MTA3: variants seen among roughly 807,000 people sequenced by gnomAD.
The protein encoded by MTA3 is metastasis associated 1 family member 3, also known as metastasis-associated protein MTA3.
Under a neutral mutation model 83.5 loss-of-function variants are expected in MTA3, and 34 were observed. That is an observed-to-expected ratio of 0.41 (90% CI 0.31 to 0.54). The LOEUF (loss-of-function observed/expected upper bound fraction) is 0.54, where lower values mean the gene tolerates loss of function less well. Among genes scored for constraint, MTA3 ranks in the 20% least tolerant of loss-of-function variants. The pLI is 0.33. For synonymous variants in MTA3, 303 were observed against 252.7 expected (o/e 1.20, Z -1.89); for missense variants, 761 against 726.4 (o/e 1.05, Z -0.55).
chr2:42,685,147 A>G (rs993849788), intron 9 of MTA3, among the ~76,000 whole-genome samples: 6 of 152,218 alleles, frequency 3.9e-5, no homozygotes, highest in East Asian at 1.9e-4. Context: ...TTAGTGCAAT[A>G]TACTTGGACA....
intron 2 of MTA3, among the ~76,000 whole-genome samples, chr2:42,522,806 CTTTT>C (rs1173170546): frequency 3.4e-5 from 4 of 116,162 alleles, no homozygotes; most frequent in Non-Finnish European, 5.5e-5. Flanking sequence ...AACATGTGGT[CTTTT>C]TTTTTTTTTT....
At chr2:42,495,044 A>G (rs1482386760) in intron 1 of MTA3, 1 of 152,618 alleles carries the variant, frequency 6.6e-6, no homozygotes, top group Non-Finnish European at 1.5e-5. Context: ...TGCAAAACAA[A>G]TACTAGAAGA....
intron 14 of MTA3, among the ~76,000 whole-genome samples, chr2:42,716,556 C>T (rs779074834): frequency 3.2e-4 from 48 of 152,148 alleles, no homozygotes; most frequent in Non-Finnish European, 4.6e-4. Context: ...CATTTAGCTC[C>T]GACTCATAAG....
intron 8 of MTA3, among the ~76,000 whole-genome samples, chr2:42,674,596 CTTTT>C (rs34154066): frequency 7.9e-5 from 9 of 114,278 alleles, no homozygotes; most frequent in Non-Finnish European, 1.1e-4. Context: ...TTTTCTTCTT[CTTTT>C]TTTTTTTTTT....
chr2:42,617,681 C>G (rs1030214641), intron 4 of MTA3, among the ~76,000 whole-genome samples: 1 of 151,776 alleles, frequency 6.6e-6, no homozygotes, highest in Non-Finnish European at 1.5e-5. Flanking sequence ...GAGGCTGAGA[C>G]AGGAGAATCA....
chr2:42,702,090 A>C (rs1665628427), intron 11 of MTA3, among the ~76,000 whole-genome samples: 2 of 150,234 alleles, frequency 1.3e-5, no homozygotes, highest in African/African-American at 4.9e-5. Flanking sequence ...AGGCACCTGT[A>C]ATCCCAGCTC....
At chr2:42,549,688 T>A (rs1461378089) in intron 2 of MTA3, among the ~76,000 whole-genome samples, 3 of 125,514 alleles carry the variant, frequency 2.4e-5, no homozygotes, top group Non-Finnish European at 4.8e-5. Context: ...TATAATATAT[T>A]ATATATACAT....
chr2:42,676,677 G>C (rs1274473064), intron 8 of MTA3, among the ~76,000 whole-genome samples: 3 of 152,080 alleles, frequency 2.0e-5, no homozygotes, highest in Non-Finnish European at 4.4e-5. Context: ...GAGGTGGGAG[G>C]ATCATCTGAG....
At chr2:42,551,654 G>A (rs577106519) in intron 2 of MTA3, among the ~76,000 whole-genome samples, 27 of 152,100 alleles carry the variant, frequency 1.8e-4, no homozygotes, top group Non-Finnish European at 3.4e-4. Context: ...GGAATAAAGC[G>A]GGAGAGAGTG....
chr2:42,586,719 A>G (rs1231016939), intron 3 of MTA3, among the ~76,000 whole-genome samples: 1 of 151,748 alleles, frequency 6.6e-6, no homozygotes, highest in African/African-American at 2.4e-5. Context: ...GCAAAAACCC[A>G]TCTCTAGGAA....
intron 4 of MTA3, among the ~76,000 whole-genome samples, chr2:42,615,313 G>A (rs1684726005): frequency 6.6e-6 from 1 of 150,476 alleles, no homozygotes; most frequent in Non-Finnish European, 1.5e-5. Context: ...TAGCCATTCA[G>A]GATTTGAACC....
chr2:42,704,313 G>A lies in MTA3; in HGVS notation c.1145G>A (p.Cys382Tyr). The part of the protein sequence containing the change: ...NPLLGRACES[C>Y]YATQSHQWYS... Reference sequence around the variant, plus strand: ...CTCTTAGGGAGAGCCTGTGAGAGCTGCTATGGTAAGTTTTCTCTAGCAGGT... The same window carrying A: ...CTCTTAGGGAGAGCCTGTGAGAGCTACTATGGTAAGTTTTCTCTAGCAGGT... Residue 382 changes from cysteine to tyrosine, a missense_variant, in exon 12 of 17, where the codon TGC becomes TAC. Coordinates refer to ENST00000405094, the MANE Select transcript of MTA3 (RefSeq NM_001330442.2). The A allele has an allele frequency of 6.2e-7, 1 of 1,613,782 alleles. No homozygotes were observed. Among genetic ancestry groups the A allele is most frequent in the Non-Finnish European group, 8.5e-7 (1 of 1,179,760 alleles).
chr2:42,646,206 A>G (rs1247998651), intron 6 of MTA3, among the ~76,000 whole-genome samples: 1 of 152,228 alleles, frequency 6.6e-6, no homozygotes, highest in East Asian at 1.9e-4. Flanking sequence ...AATTCTTTTC[A>G]AAAACTGCTC....
chr2:42,585,296 C>T (rs1333079902), intron 3 of MTA3, among the ~76,000 whole-genome samples: 1 of 151,864 alleles, frequency 6.6e-6, no homozygotes, highest in Non-Finnish European at 1.5e-5. Flanking sequence ...CCATGTTGGT[C>T]AGGGTGGTCT....
At chr2:42,707,705 A>G (rs1156525960) in intron 12 of MTA3, among the ~76,000 whole-genome samples, 198 bp from the exon 13 acceptor site, 1 of 152,218 alleles carries the variant, frequency 6.6e-6, no homozygotes, top group East Asian at 1.9e-4. Context: ...AGCACTTTAT[A>G]TAATAATGGA....
intron 3 of MTA3, among the ~76,000 whole-genome samples, chr2:42,600,820 C>T (rs545421210): frequency 2.0e-5 from 3 of 152,164 alleles, no homozygotes; most frequent in East Asian, 3.9e-4. Flanking sequence ...GGATTACAGA[C>T]GTAAGCCACT....
At chr2:42,737,213 G>A (rs1210572621) in intron 16 of MTA3, among the ~76,000 whole-genome samples, 1 of 152,188 alleles carries the variant, frequency 6.6e-6, no homozygotes, top group Non-Finnish European at 1.5e-5. Context: ...AGGAATTGCA[G>A]TCCTTGTGGC....
chr2:42,708,966 C>G lies in MTA3; in HGVS notation c.1395C>G (p.Arg465=). The part of the protein sequence containing the change: ...TGSPKSAVKT[R]QAFFLHTTYF... Reference sequence around the variant, plus strand: ...GTCCAAAGTCTGCAGTGAAGACCCGCCAAGCTTTCTTCCTTCATACTACAT... The same window carrying G: ...GTCCAAAGTCTGCAGTGAAGACCCGGCAAGCTTTCTTCCTTCATACTACAT... The change falls in exon 14 of 17, where the codon CGC becomes CGG. Residue 465 remains arginine, a synonymous_variant. Coordinates refer to ENST00000405094, the MANE Select transcript of MTA3 (RefSeq NM_001330442.2). The G allele has an allele frequency of 6.2e-7, 1 of 1,614,026 alleles. No homozygotes were observed.
chr2:42,579,435 T>A (rs1484277555), intron 3 of MTA3, among the ~76,000 whole-genome samples: 1 of 149,090 alleles, frequency 6.7e-6, no homozygotes, highest in African/African-American at 2.4e-5. Flanking sequence ...ATATATTTTT[T>A]TTTTTTTCCG....
Sources: gnomAD v4.1 joint callset for allele counts (sites outside exome capture counted in the v4.1 genomes callset) on GRCh38, gnomAD v4.1.1 for gene constraint, MANE v1.5 for transcripts, NCBI Gene and HGNC (gene_info 2026-07-23, HGNC 2026-07-21) for gene names.